TANC2: variants seen among roughly 807,000 people sequenced by gnomAD.
The protein encoded by TANC2 is tetratricopeptide repeat, ankyrin repeat and coiled-coil containing 2, also known as protein TANC2.
A neutral mutation model predicts 210.5 loss-of-function variants in TANC2; 26 were observed. The observed-to-expected ratio is 0.12, with a 90% CI of 0.09 to 0.17. The LOEUF (loss-of-function observed/expected upper bound fraction) is 0.17, where lower values mean the gene tolerates loss of function less well. TANC2 is among the 10% of genes least tolerant of loss of function. The pLI is 1.00. For synonymous variants in TANC2, 931 were observed against 967.1 expected, an observed-to-expected ratio of 0.96 and a Z score of 0.69; for missense variants, 2,129 against 2,608.9, an observed-to-expected ratio of 0.82 and a Z score of 4.01.
intron 11 of TANC2, among the ~76,000 whole-genome samples, chr17:63,328,211 T>TTC (rs1407270603): frequency 4.6e-5 from 7 of 152,058 alleles, no homozygotes; most frequent in African/African-American, 1.7e-4. Context: ...AGGAGGAAGG[T>TTC]GAGGATACTA....
At position 63,332,841 on chromosome 17, in the gene TANC2, G is replaced by A. The variant is rs187649100; in HGVS notation, c.1576-7260G>A. 1.5e-3 allele frequency among the ~76,000 whole-genome samples: 231 copies of A among 152,050 alleles called. 1 individual carries two copies. Among genetic ancestry groups the A allele is most frequent in the African/African-American group, 5.4e-3 (224 of 41,460 alleles). On this transcript the variant is annotated intron_variant, in intron 11 of 27. Coordinates refer to ENST00000689528, the Ensembl canonical transcript of TANC2. ...CATTTACCATTCCAAAAATTCTAGGGCCCTTAAGAATGATGCTAAATCTAC... is the reference window on the plus strand; with the variant it reads ...CATTTACCATTCCAAAAATTCTAGGACCCTTAAGAATGATGCTAAATCTAC...
At chr17:63,339,531 T>G (rs756730565) in intron 11 of TANC2, among the ~76,000 whole-genome samples, 1 of 152,196 alleles carries the variant, frequency 6.6e-6, no homozygotes, top group Non-Finnish European at 1.5e-5. Flanking sequence ...TTTATCTAAT[T>G]CTGATACTCT....
intron 19 of TANC2, among the ~76,000 whole-genome samples, chr17:63,403,859 A>AT (rs1325833482): frequency 6.6e-6 from 1 of 152,218 alleles, no homozygotes; most frequent in East Asian, 1.9e-4. Flanking sequence ...GGTAGTTTTC[A>AT]TTTTGCATAT....
At chr17:63,310,172 G>A (rs1055131553) in intron 9 of TANC2, among the ~76,000 whole-genome samples, 15 of 152,184 alleles carry the variant, frequency 9.9e-5, no homozygotes, top group African/African-American at 3.4e-4. Flanking sequence ...AAGAGGCCAG[G>A]TTTGGTGGCT....
chr17:63,048,620 C>T (rs114974493), intron 2 of TANC2, among the ~76,000 whole-genome samples: 4,502 of 152,154 alleles, frequency 0.03, 229 homozygotes, highest in African/African-American at 0.1. Context: ...TGTATGTGTG[C>T]GGCCTTATTT....
At chr17:63,083,449 A>G (rs539109563) in intron 3 of TANC2, among the ~76,000 whole-genome samples, 56 of 152,246 alleles carry the variant, frequency 3.7e-4, no homozygotes, top group Admixed American at 7.8e-4. Flanking sequence ...AGGGAAAAAA[A>G]GGGGGAGATT....
At chr17:62,989,811 G>T (rs866511391) in intron 1 of TANC2, among the ~76,000 whole-genome samples, 1 of 126,800 alleles carries the variant, frequency 7.9e-6, no homozygotes, top group Non-Finnish European at 1.6e-5. Flanking sequence ...TCACTCTGTC[G>T]CCCAGCCTGG....
intron 9 of TANC2, among the ~76,000 whole-genome samples, chr17:63,274,751 G>C (rs890344654): frequency 2.0e-5 from 3 of 152,144 alleles, no homozygotes; most frequent in African/African-American, 7.2e-5. Flanking sequence ...CTGGGAGGTG[G>C]AGGTTGCAGT....
intron 5 of TANC2, among the ~76,000 whole-genome samples, chr17:63,167,053 A>G (rs2040234366): frequency 6.6e-6 from 1 of 152,204 alleles, no homozygotes; most frequent in Admixed American, 6.5e-5. Context: ...GGTAGTGGGA[A>G]TTCCAGTGCC....
chr17:63,058,775 G>A (rs373634709), intron 2 of TANC2, among the ~76,000 whole-genome samples: 33 of 152,128 alleles, frequency 2.2e-4, no homozygotes, highest in African/African-American at 8.0e-4. Context: ...TCATCTATTG[G>A]TCTATGTGTC....
At chr17:63,411,935 C>T (rs1482328876) in intron 22 of TANC2, 63 bp from the exon 23 acceptor site, 1 of 1,588,228 alleles carries the variant, frequency 6.3e-7, no homozygotes. Context: ...AGCCAGAGCC[C>T]TCGGTGGAAC....
intron 17 of TANC2, chr17:63,391,775 G>C (rs1036569528): frequency 1.3e-5 from 2 of 150,226 alleles, no homozygotes; most frequent in Admixed American, 1.3e-4. Context: ...GCCTAGGCTG[G>C]AGTGCAGTGG....
intron 9 of TANC2, among the ~76,000 whole-genome samples, chr17:63,300,579 T>C (rs2044680301): frequency 6.6e-6 from 1 of 152,178 alleles, no homozygotes; most frequent in African/African-American, 2.4e-5. Context: ...GGCTCTCTGC[T>C]TGTCTAATGT....
chr17:63,206,762 T>C (rs2041725802), intron 7 of TANC2, among the ~76,000 whole-genome samples: 2 of 152,156 alleles, frequency 1.3e-5, no homozygotes, highest in Non-Finnish European at 2.9e-5. Flanking sequence ...ATACAGAATT[T>C]CAGTTGGGGA....
intron 25 of TANC2, among the ~76,000 whole-genome samples, chr17:63,415,321 C>T (rs949089121): frequency 6.6e-6 from 1 of 152,224 alleles, no homozygotes; most frequent in East Asian, 1.9e-4. Context: ...ATCCCCTCAA[C>T]CTTGCCTTTC....
intron 5 of TANC2, among the ~76,000 whole-genome samples, chr17:63,162,269 A>G (rs1027894781): frequency 6.6e-6 from 1 of 151,558 alleles, no homozygotes; most frequent in Non-Finnish European, 1.5e-5. Flanking sequence ...GTGTCACTGC[A>G]TTACAGCCTG....
At chr17:63,015,467 C>G (rs768602412) in intron 2 of TANC2, among the ~76,000 whole-genome samples, 101 of 152,156 alleles carry the variant, frequency 6.6e-4, no homozygotes, top group Middle Eastern at 3.4e-3. Context: ...TCCCTCCCCC[C>G]GCTTCCCACC....
At chr17:63,313,433 T>A (rs2045198378) in intron 9 of TANC2, 1 of 152,202 alleles carries the variant, frequency 6.6e-6, no homozygotes, top group Admixed American at 6.5e-5. Context: ...AATTAGTAGA[T>A]CTTCTTTTAA....
chr17:63,221,268 TA>T (rs1286291341), intron 7 of TANC2, among the ~76,000 whole-genome samples: 1 of 150,976 alleles, frequency 6.6e-6, no homozygotes, highest in African/African-American at 2.4e-5. Context: ...CTGTCTCTAC[TA>T]AAAAAAATAA....
Sources: gnomAD v4.1 joint callset for allele counts (sites outside exome capture counted in the v4.1 genomes callset) on GRCh38, gnomAD v4.1.1 for gene constraint, MANE v1.5 for transcripts, NCBI Gene and HGNC (gene_info 2026-07-23, HGNC 2026-07-21) for gene names.